Variants in RAB3GAP1 observed in about 807,000 individuals in gnomAD.
The protein encoded by RAB3GAP1 is rab3 GTPase-activating protein catalytic subunit.
A neutral mutation model predicts 130.7 loss-of-function variants in RAB3GAP1; 86 were observed. The observed-to-expected ratio is 0.66, with a 90% confidence interval of 0.55 to 0.79. RAB3GAP1 has a LOEUF of 0.79. Ranked by LOEUF, RAB3GAP1 falls within the 30% of genes least tolerant of loss-of-function variation. RAB3GAP1 has a pLI of 0.00. For synonymous variants in RAB3GAP1, 367 were observed against 401.7 expected (o/e 0.91, Z 1.03); for missense variants, 1,029 against 1,169.4 (o/e 0.88, Z 1.75).
intron 4 of RAB3GAP1, among the ~76,000 whole-genome samples, chr2:135,093,047 A>G (rs1482990081): frequency 6.6e-6 from 1 of 152,254 alleles, no homozygotes; most frequent in Admixed American, 6.5e-5. Context: ...TAGCTATACA[A>G]CAAAAATTAT....
chr2:135,167,861 C>T, intron 23 of RAB3GAP1: 1 of 596,610 alleles, frequency 1.7e-6, no homozygotes, highest in Non-Finnish European at 2.6e-6. Context: ...TTTCATGTTT[C>T]CATTGCCAAA....
chr2:135,120,939 A>T, intron 8 of RAB3GAP1, 21 bp downstream of exon 8: 1 of 1,462,642 alleles, frequency 6.8e-7, no homozygotes, highest in South Asian at 1.1e-5. Flanking sequence ...TTAGAACTAT[A>T]TTTAACTTAC....
chr2:135,137,296 C>T (rs1422277624), intron 17 of RAB3GAP1: 1 of 292,192 alleles, frequency 3.4e-6, no homozygotes, highest in Non-Finnish European at 6.8e-6. Context: ...CTGTACTATT[C>T]TTGAGTATGA....
At chr2:135,094,007 G>A (rs1015563626) in intron 5 of RAB3GAP1, among the ~76,000 whole-genome samples, 8 of 152,306 alleles carry the variant, frequency 5.3e-5, no homozygotes, top group East Asian at 3.9e-4. Context: ...GAGGCTCAGC[G>A]CCCCAGGTTT....
At chr2:135,149,319 A>G (rs950115148) in intron 17 of RAB3GAP1, among the ~76,000 whole-genome samples, 2 of 152,224 alleles carry the variant, frequency 1.3e-5, no homozygotes, top group Non-Finnish European at 2.9e-5. Context: ...TTAGTCAAAG[A>G]GAAAGTATGA....
intron 2 of RAB3GAP1, among the ~76,000 whole-genome samples, chr2:135,057,487 C>T (rs921111948): frequency 6.6e-6 from 1 of 152,126 alleles, no homozygotes; most frequent in African/African-American, 2.4e-5. Context: ...CTGCAACGTC[C>T]GCTTCTATGT....
chr2:135,148,861 CT>C (rs966652354), intron 17 of RAB3GAP1, among the ~76,000 whole-genome samples: 9 of 151,896 alleles, frequency 5.9e-5, no homozygotes, highest in Non-Finnish European at 1.2e-4. Context: ...CCTAGATTCT[CT>C]TTTCTGTTTG....
chr2:135,069,726 G>A (rs1259105547), intron 3 of RAB3GAP1, among the ~76,000 whole-genome samples: 6 of 151,864 alleles, frequency 4.0e-5, no homozygotes, highest in African/African-American at 1.5e-4. Context: ...TATTTGTAGA[G>A]AGCCTACTGT....
At chr2:135,092,131 A>G (rs961649969) in intron 4 of RAB3GAP1, among the ~76,000 whole-genome samples, 14 of 152,232 alleles carry the variant, frequency 9.2e-5, no homozygotes, top group African/African-American at 3.4e-4. Flanking sequence ...AACCATATAT[A>G]CATATATGTA....
Position 135,091,029 on chromosome 2 carries a change from A to G in RAB3GAP1, c.182A>G (p.Lys61Arg). 6.2e-7 allele frequency: 1 copy of G among 1,612,522 alleles called. No homozygotes were observed. Among genetic ancestry groups the G allele is most frequent in the Middle Eastern group, 1.7e-4 (1 of 6,048 alleles). The change falls in exon 4 of 24, where the codon AAA becomes AGA. Residue 61 changes from lysine (K) to arginine (R), a missense_variant. This residue lies in a region of RAB3GAP1 where 510 missense variants were observed against 532.1 expected (regional missense o/e 0.96). Transcript: ENST00000264158. ...GIFTSGTWEE[K>R]SDEISFADFK... is the part of the protein sequence containing the mutation. ...TTTACTTCTGGCACATGGGAAGAGA[A>G]ATCAGATGAAATTTCCTTTGCTGAC...
intron 2 of RAB3GAP1, among the ~76,000 whole-genome samples, chr2:135,053,525 G>A (rs947784270): frequency 4.6e-5 from 7 of 152,316 alleles, no homozygotes; most frequent in South Asian, 2.1e-4. Context: ...CAGTGTTTAC[G>A]CTGTTACAGC....
chr2:135,057,371 G>C (rs1689042942), intron 2 of RAB3GAP1, among the ~76,000 whole-genome samples: 1 of 152,064 alleles, frequency 6.6e-6, no homozygotes, highest in Non-Finnish European at 1.5e-5. Flanking sequence ...GTTATTGTGG[G>C]TAGGAGAGAG....
intron 3 of RAB3GAP1, among the ~76,000 whole-genome samples, chr2:135,061,383 C>T (rs1007227616): frequency 2.6e-5 from 4 of 152,120 alleles, no homozygotes; most frequent in African/African-American, 9.7e-5. Flanking sequence ...TTTTACCTGC[C>T]CACCATCAAT....
At chr2:135,056,225 CAG>C (rs1222819076) in intron 2 of RAB3GAP1, among the ~76,000 whole-genome samples, 6 of 151,838 alleles carry the variant, frequency 4.0e-5, no homozygotes, top group Admixed American at 3.9e-4. Context: ...TATTTTGAGA[CAG>C]AGTCTCACTC....
At chr2:135,165,638 T>G (rs1365855252) in intron 23 of RAB3GAP1, among the ~76,000 whole-genome samples, 1 of 152,232 alleles carries the variant, frequency 6.6e-6, no homozygotes, top group Non-Finnish European at 1.5e-5. Flanking sequence ...TCCCTAAACC[T>G]CAGAATTTCA....
chr2:135,144,867 TTCCAGTTTCCTC>T (rs1294726685), intron 17 of RAB3GAP1, among the ~76,000 whole-genome samples: 1 of 152,252 alleles, frequency 6.6e-6, no homozygotes, highest in Non-Finnish European at 1.5e-5. Context: ...CCTCTGAACT[TTCCAGTTTCCTC>T]TTACAGAGTC....
At chr2:135,115,018 T>C (rs1412690435) in intron 6 of RAB3GAP1, among the ~76,000 whole-genome samples, 198 bp from the exon 7 acceptor site, 1 of 152,258 alleles carries the variant, frequency 6.6e-6, no homozygotes, top group African/African-American at 2.4e-5. Flanking sequence ...TTCTAGATGA[T>C]AGTTTCTTCA....
At chr2:135,117,495 GCTTCTTCTT>G (rs1229163423) in intron 7 of RAB3GAP1, among the ~76,000 whole-genome samples, 13 of 42,242 alleles carry the variant, frequency 3.1e-4, no homozygotes, top group East Asian at 1.4e-3. Flanking sequence ...TTCTTCTTCT[GCTTCTTCTT>G]CTTCTTCTGC....
chr2:135,148,151 T>C (rs1692054987), intron 17 of RAB3GAP1, among the ~76,000 whole-genome samples: 1 of 152,208 alleles, frequency 6.6e-6, no homozygotes, highest in Admixed American at 6.5e-5. Context: ...TTTTACTTTC[T>C]TATTTTAAGG....
Sources: gnomAD v4.1 joint callset for allele counts (sites outside exome capture counted in the v4.1 genomes callset) on GRCh38, gnomAD v4.1.1 for gene constraint, gnomAD v4.1.1 regional missense constraint, MANE v1.5 for transcripts, NCBI Gene and HGNC (gene_info 2026-07-23, HGNC 2026-07-21) for gene names.